ZNF385D: variants seen among roughly 807,000 people sequenced by gnomAD.
ZNF385D encodes zinc finger protein 659.
A neutral mutation model predicts 35.8 loss-of-function variants in ZNF385D; 15 were observed. The ratio of observed to expected loss-of-function variants is 0.42; its 90% CI spans 0.28 to 0.64. The LOEUF is 0.64. Ranked by LOEUF, ZNF385D falls within the 30% of genes least tolerant of loss-of-function variation. The probability of loss-of-function intolerance (pLI) is 0.23; values close to 1 mark genes in which losing one functional copy is unlikely to be tolerated. For missense variants in ZNF385D, 474 were observed against 494.6 expected (o/e 0.96, Z 0.39); for synonymous variants, 212 against 186.8 (o/e 1.13, Z -1.10).
intron 3 of ZNF385D, among the ~76,000 whole-genome samples, chr3:22,150,490 T>C (rs1705153719): frequency 6.6e-6 from 1 of 152,034 alleles, no homozygotes; most frequent in African/African-American, 2.4e-5. Context: ...CAATTAATAG[T>C]GGGAATGCAT....
At chr3:22,168,150 G>A (rs1005269023) in intron 3 of ZNF385D, among the ~76,000 whole-genome samples, 3 of 152,096 alleles carry the variant, frequency 2.0e-5, no homozygotes, top group Admixed American at 1.3e-4. Flanking sequence ...AACTCAAGTT[G>A]CAGTGAGTTA....
intron 3 of ZNF385D, among the ~76,000 whole-genome samples, chr3:21,762,509 T>C (rs988609643): frequency 2.6e-5 from 4 of 152,226 alleles, no homozygotes; most frequent in African/African-American, 9.6e-5. Flanking sequence ...TCAAGACTAA[T>C]GCCCTTTATC....
intron 3 of ZNF385D, among the ~76,000 whole-genome samples, chr3:22,043,403 G>A (rs979606468): frequency 6.6e-6 from 1 of 151,962 alleles, no homozygotes; most frequent in Non-Finnish European, 1.5e-5. Context: ...TACAAACATA[G>A]GCATAGATAC....
chr3:21,775,730 A>G (rs1375489918), intron 3 of ZNF385D, among the ~76,000 whole-genome samples: 2 of 151,902 alleles, frequency 1.3e-5, no homozygotes, highest in Non-Finnish European at 2.9e-5. Flanking sequence ...GACAGGAAAT[A>G]ATTAATCATT....
At chr3:22,357,504 T>C (rs1479749603) in intron 2 of ZNF385D, among the ~76,000 whole-genome samples, 3 of 151,928 alleles carry the variant, frequency 2.0e-5, no homozygotes, top group Non-Finnish European at 2.9e-5. Flanking sequence ...CATACAGTTA[T>C]GTCTTTACAG....
chr3:22,321,648 A>AGC (rs1694440187), intron 2 of ZNF385D, among the ~76,000 whole-genome samples: 1 of 152,186 alleles, frequency 6.6e-6, no homozygotes, highest in East Asian at 1.9e-4. Context: ...TACAAGCATG[A>AGC]GCCACCGCAC....
intron 1 of ZNF385D, among the ~76,000 whole-genome samples, chr3:21,725,936 C>T (rs2068745116): frequency 6.6e-6 from 1 of 152,182 alleles, no homozygotes; most frequent in Non-Finnish European, 1.5e-5. Flanking sequence ...CAATAAAATA[C>T]TGGCAAACCA....
intron 2 of ZNF385D, among the ~76,000 whole-genome samples, chr3:22,274,742 A>G (rs1701341429): frequency 6.6e-6 from 1 of 151,880 alleles, no homozygotes; most frequent in African/African-American, 2.4e-5. Flanking sequence ...TTAATCTTCC[A>G]GTCAAATAAA....
At chr3:21,927,553 G>T (rs947099375) in intron 3 of ZNF385D, among the ~76,000 whole-genome samples, 2 of 152,060 alleles carry the variant, frequency 1.3e-5, no homozygotes, top group African/African-American at 4.8e-5. Flanking sequence ...GAGATTGCTG[G>T]GCTGAATTTT....
intron 3 of ZNF385D, among the ~76,000 whole-genome samples, chr3:21,765,029 C>A (rs2070767245): frequency 6.6e-6 from 1 of 152,100 alleles, no homozygotes; most frequent in Admixed American, 6.6e-5. Context: ...TAAATAAAGT[C>A]TTGGATATCT....
chr3:21,948,140 T>C (rs7642084), intron 3 of ZNF385D, among the ~76,000 whole-genome samples: 3,568 of 152,240 alleles, frequency 0.023, 151 homozygotes, highest in African/African-American at 0.081. Context: ...CTGTGTAACA[T>C]CTGACAGTTC....
At chr3:21,603,691 CA>C (rs755713887) in intron 2 of ZNF385D, among the ~76,000 whole-genome samples, 2 of 151,844 alleles carry the variant, frequency 1.3e-5, no homozygotes, top group Non-Finnish European at 2.9e-5. Flanking sequence ...GAAAGTATAA[CA>C]AAAAAAGTAC....
At chr3:21,815,897 A>G (rs2073126561) in intron 3 of ZNF385D, among the ~76,000 whole-genome samples, 1 of 152,210 alleles carries the variant, frequency 6.6e-6, no homozygotes, top group African/African-American at 2.4e-5. Context: ...ATTTTAGACC[A>G]ATATCCCTGA....
At chr3:21,449,308 T>C (rs1452935421) in intron 4 of ZNF385D, among the ~76,000 whole-genome samples, 3 of 151,686 alleles carry the variant, frequency 2.0e-5, no homozygotes, top group Non-Finnish European at 2.9e-5. Context: ...TCTAGTCCCA[T>C]GTGACTGACC....
intron 3 of ZNF385D, among the ~76,000 whole-genome samples, chr3:21,889,273 G>A (rs575191814): frequency 6.6e-6 from 1 of 152,302 alleles, no homozygotes; most frequent in Non-Finnish European, 1.5e-5. Context: ...AGCAGGCCTA[G>A]TATTGCCATA....
intron 2 of ZNF385D, among the ~76,000 whole-genome samples, chr3:21,572,151 C>A (rs1489799623): frequency 6.6e-6 from 1 of 152,112 alleles, no homozygotes; most frequent in East Asian, 1.9e-4. Context: ...AATATAAACC[C>A]AGATGTAATA....
At chr3:21,702,599 T>C (rs1373097586) in intron 1 of ZNF385D, among the ~76,000 whole-genome samples, 1 of 152,256 alleles carries the variant, frequency 6.6e-6, no homozygotes, top group African/African-American at 2.4e-5. Flanking sequence ...GGTTTTTCTT[T>C]TCGACTGCAT....
intron 3 of ZNF385D, among the ~76,000 whole-genome samples, chr3:22,004,142 C>T (rs1017230941): frequency 1.3e-5 from 2 of 151,996 alleles, no homozygotes; most frequent in African/African-American, 4.8e-5. Context: ...GAAATAAATC[C>T]ACATATTTAT....
At chr3:21,992,302 T>C (rs1695196617) in intron 3 of ZNF385D, among the ~76,000 whole-genome samples, 1 of 152,112 alleles carries the variant, frequency 6.6e-6, no homozygotes, top group South Asian at 2.1e-4. Context: ...CCTTCACTAT[T>C]TGTTCTGCAG....
Sources: allele counts gnomAD v4.1 joint callset (sites outside exome capture counted in the v4.1 genomes callset), GRCh38; gene constraint gnomAD v4.1.1; transcripts MANE v1.5; gene names NCBI Gene and HGNC (gene_info 2026-07-23, HGNC 2026-07-21).